The following NEBL variants were observed in gnomAD, a reference collection of about 807,000 sequenced individuals.
The protein encoded by NEBL is nebulette, also known as LIM and SH3 protein 2.
A neutral mutation model predicts 140.2 loss-of-function variants in NEBL; 122 were observed. That is an observed-to-expected ratio of 0.87 (90% CI 0.75 to 1.01). The LOEUF (loss-of-function observed/expected upper bound fraction) is 1.01. NEBL is among the 50% of genes least tolerant of loss of function. The pLI, the probability that NEBL is intolerant of heterozygous loss-of-function variation, is 0.00. For missense variants in NEBL, 1,365 were observed against 1,231.3 expected (o/e 1.11, Z -1.62); for synonymous variants, 436 against 398.9 (o/e 1.09, Z -1.11).
intron 11 of NEBL, chr10:20,845,641 AT>A: frequency 2.9e-6 from 1 of 345,666 alleles, no homozygotes; most frequent in Non-Finnish European, 5.4e-6. Flanking sequence ...ATATCAGCCC[AT>A]TTTTTGGAGG....
intron 5 of NEBL, among the ~76,000 whole-genome samples, chr10:20,871,623 T>G (rs148867903): frequency 6.6e-6 from 1 of 152,140 alleles, no homozygotes; most frequent in African/African-American, 2.4e-5. Flanking sequence ...TAATCATGAA[T>G]CTGTCTGACA....
intron 3 of NEBL, among the ~76,000 whole-genome samples, chr10:20,979,868 A>T (rs746180150): frequency 1.2e-4 from 19 of 152,028 alleles, no homozygotes; most frequent in Non-Finnish European, 2.5e-4. Flanking sequence ...CACCATGGTC[A>T]TCTAATTTTT....
chr10:20,918,482 G>C (rs1360640723), intron 4 of NEBL, among the ~76,000 whole-genome samples: 1 of 152,190 alleles, frequency 6.6e-6, no homozygotes, highest in East Asian at 1.9e-4. Context: ...CTTCAGATGA[G>C]TTTTGTGATA....
intron 7 of NEBL, among the ~76,000 whole-genome samples, chr10:20,865,142 A>G (rs1294821487): frequency 6.6e-6 from 1 of 152,218 alleles, no homozygotes; most frequent in African/African-American, 2.4e-5. Context: ...TTGTGATGGA[A>G]TGAATTTAAG....
intron 21 of NEBL, 52 bp downstream of exon 21, chr10:20,817,548 C>T (rs986822287): frequency 2.6e-5 from 35 of 1,353,454 alleles, no homozygotes; most frequent in South Asian, 1.4e-4. Flanking sequence ...TTCATTCACA[C>T]GTGGACAATG....
At chr10:21,208,885 C>T (rs1014930041) in intron 3 of NEBL, among the ~76,000 whole-genome samples, 1 of 152,178 alleles carries the variant, frequency 6.6e-6, no homozygotes, top group African/African-American at 2.4e-5. Context: ...CCAGTCTGCA[C>T]CTCACCCTTC....
At chr10:20,819,795 G>C (rs1237181938) in intron 19 of NEBL, among the ~76,000 whole-genome samples, 1 of 152,082 alleles carries the variant, frequency 6.6e-6, no homozygotes, top group East Asian at 1.9e-4. Context: ...CGTCATCACA[G>C]CTCACTGCAG....
At chr10:21,284,273 A>G (rs749469760) in intron 1 of NEBL, among the ~76,000 whole-genome samples, 1 of 145,370 alleles carries the variant, frequency 6.9e-6, no homozygotes, top group Non-Finnish European at 1.5e-5. Context: ...CAGTCTGATG[A>G]TATTTCCTTG....
At chr10:20,793,384 G>A (rs781091521) in intron 26 of NEBL, 6 of 974,054 alleles carry the variant, frequency 6.2e-6, no homozygotes, top group Admixed American at 6.2e-5. Flanking sequence ...ACCCTGGAAA[G>A]GAAGGACAGG....
chr10:21,063,943 G>A (rs1198336456), intron 2 of NEBL, among the ~76,000 whole-genome samples: 1 of 151,680 alleles, frequency 6.6e-6, no homozygotes, highest in African/African-American at 2.4e-5. Flanking sequence ...GTGGTGACAT[G>A]TGCCTGGGTT....
intron 26 of NEBL, among the ~76,000 whole-genome samples, chr10:20,800,628 A>T (rs1331735700): frequency 1.3e-5 from 2 of 152,026 alleles, no homozygotes; most frequent in African/African-American, 4.8e-5. Context: ...TGTATTTTCT[A>T]ATAGGTTTTT....
At chr10:20,871,755 T>G (rs1564406279) in intron 5 of NEBL, among the ~76,000 whole-genome samples, 1 of 152,170 alleles carries the variant, frequency 6.6e-6, no homozygotes, top group Non-Finnish European at 1.5e-5. Context: ...TGCACACAGG[T>G]AGTAAAAGGA....
chr10:20,980,923 A>C (rs1387341323), intron 3 of NEBL, among the ~76,000 whole-genome samples: 1 of 152,198 alleles, frequency 6.6e-6, no homozygotes, highest in African/African-American at 2.4e-5. Flanking sequence ...AAGACATTCC[A>C]CCGAAGTCTC....
At chr10:20,886,865 T>A (rs1007675007) in intron 4 of NEBL, among the ~76,000 whole-genome samples, 1 of 152,202 alleles carries the variant, frequency 6.6e-6, no homozygotes, top group East Asian at 1.9e-4. Flanking sequence ...ATACAAACTA[T>A]GTAAAAGGAA....
Position 21,233,775 on chromosome 10 carries a change from A to T in NEBL, n.348+14146T>A, listed in dbSNP as rs1269674747. On this transcript the variant is annotated intron_variant and non_coding_transcript_variant, in intron 3 of 8. Transcript: ENST00000675702. ...ACATATAGATATATATTACATATAA[A>T]TGCATATATATGCATATATATTACA... Among the ~76,000 whole-genome samples, 159 of 142,000 alleles carry T rather than the reference A, an allele frequency of 1.1e-3. 3 individuals are homozygous for T. Among genetic ancestry groups the T allele is most frequent in the South Asian group, 2.8e-3 (13 of 4,618 alleles). The allele number at this position is 142,000 out of a possible 152,430, so 93.2% of individuals were successfully genotyped here. A position where few individuals can be genotyped will look rare whatever the true frequency, so the allele number is the denominator to read the frequency against.
intron 2 of NEBL, among the ~76,000 whole-genome samples, chr10:21,139,004 C>A (rs1391882770): frequency 2.0e-5 from 3 of 152,130 alleles, no homozygotes; most frequent in Non-Finnish European, 2.9e-5. Flanking sequence ...GTGATCTATT[C>A]CTACTTTGAT....
At chr10:20,870,840 T>A (rs1019157309) in intron 5 of NEBL, among the ~76,000 whole-genome samples, 3 of 152,190 alleles carry the variant, frequency 2.0e-5, no homozygotes, top group African/African-American at 7.2e-5. Context: ...ATACATAAAC[T>A]TTGCCAAATG....
chr10:21,037,459 A>C (rs1198956633), intron 2 of NEBL, among the ~76,000 whole-genome samples: 1 of 152,170 alleles, frequency 6.6e-6, no homozygotes, highest in Non-Finnish European at 1.5e-5. Flanking sequence ...AATGGGAATC[A>C]GAAATACCAA....
chr10:21,207,001 T>A (rs1235433008), intron 3 of NEBL, among the ~76,000 whole-genome samples: 9 of 142,848 alleles, frequency 6.3e-5, no homozygotes, highest in Non-Finnish European at 4.5e-5. Flanking sequence ...TTAGACAGAG[T>A]CTTGCTCTAT....
Sources: allele counts gnomAD v4.1 joint callset (sites outside exome capture counted in the v4.1 genomes callset), GRCh38; gene constraint gnomAD v4.1.1; transcripts MANE v1.5; gene names NCBI Gene and HGNC (gene_info 2026-07-23, HGNC 2026-07-21).